The following PFKFB4 variants were observed in gnomAD, a reference collection of about 807,000 sequenced individuals.
PFKFB4 encodes the protein 6-phosphofructo-2-kinase/fructose-2,6-bisphosphatase 4.
A neutral mutation model predicts 62.8 loss-of-function variants in PFKFB4; 42 were observed. The ratio of observed to expected loss-of-function variants is 0.67; its 90% CI spans 0.52 to 0.86. The LOEUF is 0.86. Ranked by LOEUF, PFKFB4 falls within the 40% of genes least tolerant of loss-of-function variation. The probability of loss-of-function intolerance (pLI) is 0.00; values close to 1 mark genes in which losing one functional copy is unlikely to be tolerated. For synonymous variants in PFKFB4, 204 were observed against 240.7 expected (o/e 0.85, Z 1.41); for missense variants, 475 against 627.2 (o/e 0.76, Z 2.59).
At chr3:48,548,854 G>C (rs1458711603) in intron 3 of PFKFB4, among the ~76,000 whole-genome samples, 5 of 152,162 alleles carry the variant, frequency 3.3e-5, no homozygotes, top group African/African-American at 1.2e-4. Flanking sequence ...CAGCCACACC[G>C]ATGCAAGAAC....
chr3:48,559,652 C>T (rs2043402373), upstream of PFKFB4: 1 of 455,674 alleles, frequency 2.2e-6, no homozygotes, highest in African/African-American at 2.0e-5. Flanking sequence ...GCTGTTCTGT[C>T]CCAGGCGTGG....
chr3:48,544,521 C>T (rs764172160), intron 3 of PFKFB4, among the ~76,000 whole-genome samples: 1 of 147,894 alleles, frequency 6.8e-6, no homozygotes, highest in Admixed American at 6.8e-5. Context: ...GATCATGCCT[C>T]ACTGCAGCCC....
At chr3:48,535,704 C>T in intron 8 of PFKFB4, 46 bp from the exon 9 acceptor site, 1 of 1,609,478 alleles carries the variant, frequency 6.2e-7, no homozygotes, top group Non-Finnish European at 8.5e-7. Flanking sequence ...TCTTGGGCTG[C>T]CCTTAAAGCA....
chr3:48,536,169 G>T, intron 8 of PFKFB4, 87 bp downstream of exon 8: 2 of 1,115,200 alleles, frequency 1.8e-6, no homozygotes, highest in Non-Finnish European at 2.6e-6. Context: ...TGGGAGCCTA[G>T]CCCCAGCGCA....
rs1315383398 is a variant in PFKFB4, at chr3:48,542,169, C to T, written c.378+1411G>A. On this transcript the variant is annotated intron_variant, in intron 4 of 13. Coordinates refer to ENST00000232375, the MANE Select transcript of PFKFB4 (RefSeq NM_004567.4). The stretch of plus-strand genomic sequence containing the variant: ...AGACCATGGTGAAACCCCATCTCTA[C>T]TAAAAATACAAAAAATTAGCCGGGC... 2.0e-5 allele frequency among the ~76,000 whole-genome samples: 3 copies of T among 151,814 alleles called. No homozygotes were observed. The East Asian group carries it at 5.8e-4, about 30-fold the overall frequency.
At chr3:48,542,415 C>G (rs2042830229) in intron 4 of PFKFB4, among the ~76,000 whole-genome samples, 2 of 151,418 alleles carry the variant, frequency 1.3e-5, no homozygotes, top group Non-Finnish European at 2.9e-5. Context: ...CATGTAGCCA[C>G]CAGAAGTTCT....
chr3:48,559,772 C>T (rs2043403677), upstream of PFKFB4: 3 of 367,240 alleles, frequency 8.2e-6, no homozygotes, highest in Admixed American at 1.0e-4. Context: ...GCCCTCTGCA[C>T]TGACCACTGG....
chr3:48,541,097 T>G (rs1575384042), intron 4 of PFKFB4, among the ~76,000 whole-genome samples: 2 of 148,294 alleles, frequency 1.3e-5, no homozygotes, highest in South Asian at 4.3e-4. Flanking sequence ...TTTTTTTTTT[T>G]TTTTTGAGAC....
chr3:48,562,786 TC>T, upstream of PFKFB4: 2 of 1,545,244 alleles, frequency 1.3e-6, no homozygotes, highest in Non-Finnish European at 1.7e-6. This position sits in a 1 kb window ranked among gnomAD's most constrained non-coding sequence, Gnocchi z 4.3. Flanking sequence ...TCTCTCAGGC[TC>T]AGCAGTGGCC....
At chr3:48,546,783 T>C (rs1174881868) in intron 3 of PFKFB4, among the ~76,000 whole-genome samples, 1 of 152,232 alleles carries the variant, frequency 6.6e-6, no homozygotes, top group Admixed American at 6.5e-5. Context: ...GTCTGGAATT[T>C]TGGTACATGC....
At chr3:48,542,642 G>T (rs998728282) in intron 4 of PFKFB4, among the ~76,000 whole-genome samples, 3 of 151,798 alleles carry the variant, frequency 2.0e-5, no homozygotes, top group African/African-American at 7.3e-5. Context: ...AAGCGGAAGG[G>T]GCATGAGAAA....
chr3:48,536,245 C>G lies in PFKFB4; in HGVS notation c.840+11G>C. 1 of 1,610,722 alleles carries G rather than the reference C, an allele frequency of 6.2e-7. No homozygotes were observed. Among genetic ancestry groups the G allele is most frequent in the Non-Finnish European group, 8.5e-7 (1 of 1,178,154 alleles). ...AGGCCCGTGTGCGCACGCAGGGACA[C>G]ATGCACTGACCTCCCTGCCCCGAGG... On this transcript the variant is annotated intron_variant, in intron 8 of 13. Transcript: ENST00000232375.
At chr3:48,560,958 A>AC (rs890787205), upstream of PFKFB4, 43 of 458,986 alleles carry the variant, frequency 9.4e-5, no homozygotes, top group Non-Finnish European at 1.1e-4. Flanking sequence ...ACCAGGAGAG[A>AC]CCCCCCAACA....
At chr3:48,526,816 C>T (rs1374053177) in intron 9 of PFKFB4, among the ~76,000 whole-genome samples, 1 of 151,894 alleles carries the variant, frequency 6.6e-6, no homozygotes, top group African/African-American at 2.4e-5. Flanking sequence ...TGGCTCACGC[C>T]TGTAGTCCCA....
upstream of PFKFB4, chr3:48,559,744 C>T (rs2043403344): frequency 2.5e-6 from 1 of 398,136 alleles, no homozygotes; most frequent in Non-Finnish European, 5.1e-6. Flanking sequence ...TGGCCTGACC[C>T]TGGTTGGCTC....
At chr3:48,532,738 A>T (rs1187492119) in intron 9 of PFKFB4, among the ~76,000 whole-genome samples, 1 of 152,170 alleles carries the variant, frequency 6.6e-6, no homozygotes, top group Non-Finnish European at 1.5e-5. Context: ...TGTTAGTCCC[A>T]GCTACTAGGG....
intron 9 of PFKFB4, among the ~76,000 whole-genome samples, chr3:48,527,868 T>C (rs1292180541): frequency 6.6e-6 from 1 of 151,906 alleles, no homozygotes; most frequent in African/African-American, 2.4e-5. Context: ...TTTGTATTTT[T>C]AGTAGAGACG....
chr3:48,523,515 A>T (rs748118039), intron 12 of PFKFB4, 22 bp downstream of exon 12: 48 of 1,609,348 alleles, frequency 3.0e-5, no homozygotes, highest in Non-Finnish European at 3.7e-5. Context: ...ACCCATGGTC[A>T]ATGTGCAGGA....
chr3:48,547,403 G>T (rs1186589508), intron 3 of PFKFB4, among the ~76,000 whole-genome samples: 1 of 152,074 alleles, frequency 6.6e-6, no homozygotes, highest in Non-Finnish European at 1.5e-5. Context: ...GTGCATAGGG[G>T]GCTTGTGTGT....
Sources: allele counts gnomAD v4.1 joint callset (sites outside exome capture counted in the v4.1 genomes callset), GRCh38; gene constraint gnomAD v4.1.1; non-coding constraint Gnocchi (gnomAD v3.1); transcripts MANE v1.5; gene names NCBI Gene and HGNC (gene_info 2026-07-23, HGNC 2026-07-21).